The following SLC24A3 variants were observed in gnomAD, a reference collection of about 807,000 sequenced individuals.
The protein encoded by SLC24A3 is sodium/potassium/calcium exchanger 3.
SLC24A3 carries 28 observed loss-of-function variants against 75.8 expected under a neutral mutation model. That is an observed-to-expected ratio of 0.37 (90% CI 0.27 to 0.51). The LOEUF (loss-of-function observed/expected upper bound fraction) is 0.51, where lower values mean the gene tolerates loss of function less well. Among genes scored for constraint, SLC24A3 ranks in the 20% least tolerant of loss-of-function variants. The pLI is 0.94. For missense variants in SLC24A3, 663 were observed against 847.8 expected (o/e 0.78, Z 2.71); for synonymous variants, 372 against 334.1 (o/e 1.11, Z -1.24).
chr20:19,556,599 A>C (rs2030789316), intron 3 of SLC24A3, among the ~76,000 whole-genome samples: 2 of 150,504 alleles, frequency 1.3e-5, no homozygotes, highest in South Asian at 4.2e-4. Context: ...AAAAAAGAAA[A>C]GGCAATTTTA....
intron 1 of SLC24A3, among the ~76,000 whole-genome samples, chr20:19,261,277 A>G (rs576208390): frequency 1.0e-3 from 155 of 152,302 alleles, no homozygotes; most frequent in Non-Finnish European, 1.7e-3. Flanking sequence ...GAGGTAATGG[A>G]CAATGGACCC....
chr20:19,330,558 A>C (rs1306763256), intron 2 of SLC24A3, among the ~76,000 whole-genome samples: 2 of 152,238 alleles, frequency 1.3e-5, no homozygotes, highest in African/African-American at 4.8e-5. Context: ...TTTCATACTT[A>C]TAATAAATAG....
intron 3 of SLC24A3, among the ~76,000 whole-genome samples, chr20:19,528,090 C>T (rs2030230786): frequency 1.3e-5 from 2 of 152,254 alleles, no homozygotes; most frequent in African/African-American, 4.8e-5. Flanking sequence ...CCCTTTGTTT[C>T]CCTGATATTC....
chr20:19,699,468 G>T (rs1444247124), intron 15 of SLC24A3, among the ~76,000 whole-genome samples: 1 of 152,226 alleles, frequency 6.6e-6, no homozygotes, highest in Non-Finnish European at 1.5e-5. Context: ...TCAACAGATG[G>T]TAGTAACAGA....
intron 6 of SLC24A3, among the ~76,000 whole-genome samples, chr20:19,632,337 G>T (rs1009296700): frequency 6.6e-6 from 1 of 152,146 alleles, no homozygotes; most frequent in African/African-American, 2.4e-5. Context: ...CGAGGTGTCG[G>T]TAGGAATGTA....
At chr20:19,600,494 G>A (rs1158464780) in intron 6 of SLC24A3, among the ~76,000 whole-genome samples, 3 of 152,122 alleles carry the variant, frequency 2.0e-5, no homozygotes, top group Non-Finnish European at 4.4e-5. Context: ...AATAAAAATG[G>A]ATTTTAATGA....
chr20:19,293,630 T>C (rs1393362566), intron 2 of SLC24A3, among the ~76,000 whole-genome samples: 4 of 132,284 alleles, frequency 3.0e-5, no homozygotes, highest in Admixed American at 8.5e-5. Flanking sequence ...CACTCCAACC[T>C]GGGCAACATA....
chr20:19,678,538 C>T (rs1329198314), intron 9 of SLC24A3, among the ~76,000 whole-genome samples: 1 of 137,112 alleles, frequency 7.3e-6, no homozygotes, highest in Non-Finnish European at 1.6e-5. Context: ...CCCTCCCGGA[C>T]GGGGCGGCTG....
At chr20:19,609,447 C>T (rs2031642515) in intron 6 of SLC24A3, among the ~76,000 whole-genome samples, 1 of 151,930 alleles carries the variant, frequency 6.6e-6, no homozygotes, top group Non-Finnish European at 1.5e-5. Flanking sequence ...CATGTGCAGA[C>T]TGTGCAGGCT....
chr20:19,475,967 A>G (rs146042035), intron 2 of SLC24A3, among the ~76,000 whole-genome samples: 78 of 152,348 alleles, frequency 5.1e-4, no homozygotes, highest in African/African-American at 1.8e-3. Context: ...AGCCTAATCT[A>G]TAACAATGGG....
intron 2 of SLC24A3, among the ~76,000 whole-genome samples, chr20:19,492,537 G>GT (rs1988223903): frequency 6.6e-6 from 1 of 152,190 alleles, no homozygotes; most frequent in Admixed American, 6.5e-5. Flanking sequence ...ATTCCAGGAA[G>GT]TTAATACTGT....
At chr20:19,269,616 A>C (rs1983265482) in intron 1 of SLC24A3, among the ~76,000 whole-genome samples, 1 of 152,158 alleles carries the variant, frequency 6.6e-6, no homozygotes, top group African/African-American at 2.4e-5. Flanking sequence ...GAAAGCTGAA[A>C]GCTGTCTTCA....
In SLC24A3 at chr20:19,377,638, T is replaced by C. The variant is rs184204189; in HGVS notation, c.271+96551T>C. ...AATGCACGCTTAAAATCTGTGCATA[T>C]TCTTGCATGGAAATTATCCCTCAAT... On this transcript the variant is annotated intron_variant, in intron 2 of 16. Coordinates refer to ENST00000328041, the MANE Select transcript of SLC24A3 (RefSeq NM_020689.4). 1.4e-3 allele frequency among the ~76,000 whole-genome samples: 220 copies of C among 152,336 alleles called. 7 individuals carry two copies. The highest frequency in any genetic ancestry group is 0.013 in the Admixed American group (204 of 15,300).
chr20:19,456,585 C>T (rs1365036789), intron 2 of SLC24A3, among the ~76,000 whole-genome samples: 3 of 152,314 alleles, frequency 2.0e-5, no homozygotes, highest in East Asian at 3.9e-4. Flanking sequence ...TTATTGGCAG[C>T]GTGAAAATGG....
intron 3 of SLC24A3, among the ~76,000 whole-genome samples, chr20:19,539,836 G>C (rs2030464769): frequency 6.6e-6 from 1 of 152,198 alleles, no homozygotes; most frequent in Admixed American, 6.5e-5. Context: ...GACAAAAAGG[G>C]TGTAATCTAA....
intron 2 of SLC24A3, among the ~76,000 whole-genome samples, chr20:19,360,161 C>T (rs1985760181): frequency 6.6e-6 from 1 of 152,186 alleles, no homozygotes; most frequent in Non-Finnish European, 1.5e-5. Flanking sequence ...AGATATTGCC[C>T]AGAAATGATC....
chr20:19,677,831 T>G (rs1218986900), intron 9 of SLC24A3, among the ~76,000 whole-genome samples: 1 of 151,992 alleles, frequency 6.6e-6, no homozygotes, highest in African/African-American at 2.4e-5. Context: ...GTCTCTGGTT[T>G]TCCTAGGGAG....
chr20:19,495,293 T>C (rs57917742), intron 2 of SLC24A3, among the ~76,000 whole-genome samples: 4,907 of 152,330 alleles, frequency 0.032, 249 homozygotes, highest in African/African-American at 0.11. Context: ...GTCCTGCCTG[T>C]ACTTTGCATT....
intron 6 of SLC24A3, among the ~76,000 whole-genome samples, chr20:19,616,334 G>A (rs1418200673): frequency 6.6e-6 from 1 of 152,212 alleles, no homozygotes; most frequent in Non-Finnish European, 1.5e-5. Context: ...CTCTGCAGCT[G>A]GACAGCAGAT....
Sources: gnomAD v4.1 joint callset for allele counts (sites outside exome capture counted in the v4.1 genomes callset) on GRCh38, gnomAD v4.1.1 for gene constraint, MANE v1.5 for transcripts, NCBI Gene and HGNC (gene_info 2026-07-23, HGNC 2026-07-21) for gene names.